Variants in MIGA1 observed in about 807,000 individuals in gnomAD.
The protein encoded by MIGA1 is mitoguardin 1.
MIGA1 carries 58 observed loss-of-function variants against 82.0 expected under a neutral mutation model. That is an observed-to-expected ratio of 0.71 (90% CI 0.57 to 0.88). MIGA1 has a LOEUF of 0.88. Ranked by LOEUF, MIGA1 falls within the 40% of genes least tolerant of loss-of-function variation. The probability of loss-of-function intolerance (pLI) is 0.00; values close to 1 mark genes in which losing one functional copy is unlikely to be tolerated. For missense variants in MIGA1, 751 were observed against 749.1 expected, an observed-to-expected ratio of 1.00 and a Z score of -0.03; for synonymous variants, 249 against 253.6, an observed-to-expected ratio of 0.98 and a Z score of 0.17.
chr1:77,783,193 C>A, intron 1 of MIGA1, 45 bp from the exon 2 acceptor site: 3 of 1,345,618 alleles, frequency 2.2e-6, no homozygotes, highest in South Asian at 1.3e-5. Context: ...GTAAAGTAAC[C>A]AGAAATCTTT....
chr1:77,783,429 T>C, intron 2 of MIGA1, 78 bp downstream of exon 2: 1 of 812,008 alleles, frequency 1.2e-6, no homozygotes, highest in South Asian at 2.4e-5. Context: ...TATTTCAGTT[T>C]TATTTGAGGT....
intron 2 of MIGA1, among the ~76,000 whole-genome samples, chr1:77,797,373 G>A (rs186067885): frequency 3.3e-4 from 51 of 152,242 alleles, no homozygotes; most frequent in Middle Eastern, 3.4e-3. Flanking sequence ...TGATCTATAC[G>A]TCCACACTGT....
chr1:77,853,624 G>A (rs375176719), intron 8 of MIGA1: 2 of 171,718 alleles, frequency 1.2e-5, no homozygotes, highest in South Asian at 2.6e-4. Context: ...GGCTGCAGTG[G>A]GCCATGATTG....
At chr1:77,781,666 A>G (rs1313513603) in intron 1 of MIGA1, among the ~76,000 whole-genome samples, 1 of 152,122 alleles carries the variant, frequency 6.6e-6, no homozygotes, top group African/African-American at 2.4e-5. Context: ...TGTCTCTATC[A>G]CAGGTTGTTG....
intron 7 of MIGA1, among the ~76,000 whole-genome samples, chr1:77,815,930 G>GTTTTTCTT (rs369276580): frequency 2.0e-5 from 3 of 151,754 alleles, no homozygotes; most frequent in Non-Finnish European, 4.4e-5. Context: ...ACAAGATGAG[G>GTTTTTCTT]TTTTTCTTTT....
At position 77,864,257 on chromosome 1, in the gene MIGA1, C is replaced by G. The variant is rs149028852; in HGVS notation, c.1509+229C>G. Among the ~76,000 whole-genome samples, 14 of 151,756 alleles carry G rather than the reference C, an allele frequency of 9.2e-5. No homozygotes were observed. The East Asian group carries it at 2.3e-3, about 25-fold the overall frequency. ...TGGTAGCGGGCACCTGTAATCCCAG[C>G]TACTCGGGAGGCTGAGGCAGGAGAA... On this transcript the variant is annotated intron_variant, in intron 13 of 15. Transcript: ENST00000370791.
At chr1:77,814,501 ATTC>A (rs1220671477) in intron 6 of MIGA1, among the ~76,000 whole-genome samples, 4 of 152,136 alleles carry the variant, frequency 2.6e-5, no homozygotes, top group Non-Finnish European at 5.9e-5. Context: ...GGCTCAATCA[ATTC>A]TTCTGCCTCA....
At position 77,876,696 on chromosome 1, in the gene MIGA1, T is replaced by C. The variant is rs371691030; in HGVS notation, c.*1632T>C. The C allele has an allele frequency of 1.8e-4, 28 of 152,198 alleles. No individual in the cohort carries two copies. The highest frequency in any genetic ancestry group is 6.5e-4 in the African/African-American group (27 of 41,444). 9.4% of individuals were successfully genotyped at this position (152,198 alleles called of 1,614,324 possible). A position where few individuals can be genotyped will look rare whatever the true frequency, so the allele number is the denominator to read the frequency against. ...AAAAATATTCATAGTTTGAATCTTA[T>C]TGACATTTTAAAGAAGAGTTTTTTC... On this transcript the variant is annotated 3_prime_UTR_variant, in exon 16 of 16. Coordinates refer to ENST00000370791, the MANE Select transcript of MIGA1 (RefSeq NM_198549.4).
At chr1:77,868,265 C>G (rs1482534897) in intron 14 of MIGA1, 1 of 152,096 alleles carries the variant, frequency 6.6e-6, no homozygotes. Flanking sequence ...CTCACTCTGT[C>G]GCCCAGGCTG....
intron 2 of MIGA1, among the ~76,000 whole-genome samples, chr1:77,792,786 C>CTTT (rs888755051): frequency 1.7e-4 from 21 of 121,598 alleles, no homozygotes; most frequent in South Asian, 2.8e-4. Context: ...GGATTGTTTG[C>CTTT]TTTTTTTTTT....
At chr1:77,792,478 A>G (rs1682467540) in intron 2 of MIGA1, among the ~76,000 whole-genome samples, 1 of 152,240 alleles carries the variant, frequency 6.6e-6, no homozygotes, top group South Asian at 2.1e-4. Context: ...AGCAGAGTTC[A>G]AAGAAGATTT....
chr1:77,830,712 A>G (rs552202047), intron 7 of MIGA1, among the ~76,000 whole-genome samples: 1 of 152,334 alleles, frequency 6.6e-6, no homozygotes, highest in South Asian at 2.1e-4. Context: ...ATCAAAGACT[A>G]TATTTCCCTG....
At chr1:77,828,654 G>A (rs899053750) in intron 7 of MIGA1, among the ~76,000 whole-genome samples, 1 of 152,116 alleles carries the variant, frequency 6.6e-6, no homozygotes, top group African/African-American at 2.4e-5. Context: ...CTGCCAGTAA[G>A]TCTGTTTGTC....
intron 2 of MIGA1, among the ~76,000 whole-genome samples, chr1:77,790,755 CT>C (rs1168268238): frequency 3.3e-5 from 5 of 151,254 alleles, no homozygotes; most frequent in Non-Finnish European, 7.4e-5. Context: ...CCCGGCTAAT[CT>C]TTTGTATTTT....
chr1:77,782,621 C>T (rs1681972320), intron 1 of MIGA1, among the ~76,000 whole-genome samples: 1 of 152,218 alleles, frequency 6.6e-6, no homozygotes. Flanking sequence ...TCAACTGCTT[C>T]TCTGTACTCA....
intron 5 of MIGA1, chr1:77,810,978 A>G (rs1268609674): frequency 2.5e-6 from 4 of 1,612,198 alleles, no homozygotes; most frequent in East Asian, 2.2e-5. Flanking sequence ...CAATTGGCCC[A>G]GGTTTAATTT....
At chr1:77,781,801 TA>T in intron 1 of MIGA1, among the ~76,000 whole-genome samples, 1 of 152,286 alleles carries the variant, frequency 6.6e-6, no homozygotes, top group Middle Eastern at 3.4e-3. Context: ...GAAGCATCAG[TA>T]GTAGTAACCC....
chr1:77,795,927 A>G (rs1193623991), intron 2 of MIGA1, among the ~76,000 whole-genome samples: 3 of 151,858 alleles, frequency 2.0e-5, no homozygotes, highest in South Asian at 4.2e-4. Flanking sequence ...TCTGACTTCA[A>G]TCCAACAACA....
At chr1:77,810,050 A>G (rs1683261030) in intron 5 of MIGA1, among the ~76,000 whole-genome samples, 1 of 151,720 alleles carries the variant, frequency 6.6e-6, no homozygotes, top group Admixed American at 6.6e-5. Flanking sequence ...TTATTTTTAG[A>G]TTACATTGTT....
Sources: allele counts gnomAD v4.1 joint callset (sites outside exome capture counted in the v4.1 genomes callset), GRCh38; gene constraint gnomAD v4.1.1; transcripts MANE v1.5; gene names NCBI Gene and HGNC (gene_info 2026-07-23, HGNC 2026-07-21).